CHIC2: variants seen among roughly 807,000 people sequenced by gnomAD.
The protein encoded by CHIC2 is cysteine rich hydrophobic domain 2.
CHIC2 carries 14 observed loss-of-function variants against 25.9 expected under a neutral mutation model. That is an observed-to-expected ratio of 0.54 (90% CI 0.36 to 0.85). The LOEUF (loss-of-function observed/expected upper bound fraction) is 0.85. CHIC2 is among the 40% of genes least tolerant of loss of function. CHIC2 has a pLI of 0.01. For missense variants in CHIC2, 146 were observed against 202.0 expected (o/e 0.72, Z 1.68); for synonymous variants, 70 against 72.0 (o/e 0.97, Z 0.14).
chr4:54,090,648 AG>A, the CHIC2 span, among the ~76,000 whole-genome samples: 1 of 152,174 alleles, frequency 6.6e-6, no homozygotes, highest in Non-Finnish European at 1.5e-5. Flanking sequence ...CGTTGTGCCA[AG>A]GGATGTCAGG....
chr4:54,034,577 T>C (rs1560388284), intron 3 of CHIC2, among the ~76,000 whole-genome samples: 1 of 152,172 alleles, frequency 6.6e-6, no homozygotes, highest in South Asian at 2.1e-4. Flanking sequence ...TTAAAAATTG[T>C]TTTTCATTTT....
rs1378324868 is a variant in CHIC2, at chr4:54,010,160, G to T, written c.448-15C>A. The T allele has an allele frequency of 1.3e-6, 2 of 1,583,726 alleles. No individual in the cohort carries two copies. The highest frequency in any genetic ancestry group is 2.7e-5 in the African/African-American group (2 of 73,520). ...ATGAGGATGACCTGTAAAAGGAGAA[G>T]AAAAAGGTTTTAAAAGATTTAAACA... On this transcript the variant is annotated splice_polypyrimidine_tract_variant and intron_variant, in intron 5 of 5. Coordinates refer to ENST00000263921, the MANE Select transcript of CHIC2 (RefSeq NM_012110.4).
intron 3 of CHIC2, among the ~76,000 whole-genome samples, chr4:54,040,323 T>C (rs1716524992): frequency 6.6e-6 from 1 of 152,160 alleles, no homozygotes; most frequent in Non-Finnish European, 1.5e-5. Flanking sequence ...TCCCAGCACT[T>C]TGGGAGGCCG....
chr4:54,083,765 C>A, the CHIC2 span, among the ~76,000 whole-genome samples: 3 of 152,182 alleles, frequency 2.0e-5, no homozygotes, highest in Non-Finnish European at 1.5e-5. Context: ...CTCTTCCAAT[C>A]CCATCCTTTA....
At chr4:54,073,880 G>A in the CHIC2 span, among the ~76,000 whole-genome samples, 1 of 152,134 alleles carries the variant, frequency 6.6e-6, no homozygotes, top group Non-Finnish European at 1.5e-5. Flanking sequence ...TTTTAGACCG[G>A]GCGCAGTGGC....
At chr4:54,072,247 A>G in the CHIC2 span, among the ~76,000 whole-genome samples, 2 of 151,886 alleles carry the variant, frequency 1.3e-5, no homozygotes, top group Non-Finnish European at 2.9e-5. Flanking sequence ...GCTTGCAGTG[A>G]GCCGAGATTG....
the CHIC2 span, among the ~76,000 whole-genome samples, chr4:54,080,370 T>C: frequency 6.6e-6 from 1 of 151,846 alleles, no homozygotes; most frequent in African/African-American, 2.4e-5. Flanking sequence ...AGTAGAATAG[T>C]GGTTTCCAGG....
At chr4:54,042,890 G>A (rs1716623154) in intron 3 of CHIC2, among the ~76,000 whole-genome samples, 1 of 152,132 alleles carries the variant, frequency 6.6e-6, no homozygotes, top group Non-Finnish European at 1.5e-5. Flanking sequence ...ATTTTTAGTA[G>A]GAATATATCT....
intron 5 of CHIC2, among the ~76,000 whole-genome samples, chr4:54,013,535 G>A (rs1715650390): frequency 1.3e-5 from 2 of 152,030 alleles, no homozygotes; most frequent in African/African-American, 4.8e-5. Flanking sequence ...CCAAAGTTGT[G>A]GTTATTCTTT....
rs1717422782 is a variant in CHIC2, at chr4:54,064,097, G to C, written c.119+85C>G. Reference sequence around the variant, plus strand: ...TTTCGGAAGGCCCCCGACACCAGACGGACACAGGGGAAACGGGGCTCCCGT... The same window carrying C: ...TTTCGGAAGGCCCCCGACACCAGACCGACACAGGGGAAACGGGGCTCCCGT... On this transcript the variant is annotated intron_variant, in intron 1 of 5. Coordinates refer to ENST00000263921, the MANE Select transcript of CHIC2 (RefSeq NM_012110.4). The surrounding 1 kb of genome is among the most constrained non-coding windows in gnomAD (Gnocchi z 4.2). The C allele has an allele frequency of 8.5e-7, 1 of 1,182,606 alleles. No homozygotes were observed. The highest frequency in any genetic ancestry group is 1.2e-6 in the Non-Finnish European group (1 of 832,482). The allele number at this position is 1,182,606 out of a possible 1,614,324, so 73.3% of individuals were successfully genotyped here. A position where few individuals can be genotyped will look rare whatever the true frequency, so the allele number is the denominator to read the frequency against.
chr4:54,024,228 C>T (rs915331832), intron 3 of CHIC2, among the ~76,000 whole-genome samples: 1 of 152,158 alleles, frequency 6.6e-6, no homozygotes, highest in African/African-American at 2.4e-5. Flanking sequence ...CATTTCATAA[C>T]CTCTTCCATG....
intron 1 of CHIC2, among the ~76,000 whole-genome samples, chr4:54,054,168 TTAAGA>T (rs893521417): frequency 6.6e-6 from 1 of 152,244 alleles, no homozygotes; most frequent in East Asian, 1.9e-4. Flanking sequence ...ACTAGGTATT[TTAAGA>T]TAAGTAAACA....
intron 3 of CHIC2, among the ~76,000 whole-genome samples, chr4:54,039,180 T>C (rs1397402520): frequency 1.3e-5 from 2 of 152,182 alleles, no homozygotes; most frequent in Non-Finnish European, 2.9e-5. Flanking sequence ...GACCTTGGTT[T>C]AGGCAAATTC....
intron 1 of CHIC2, among the ~76,000 whole-genome samples, chr4:54,063,920 T>C (rs2110096974): frequency 2.0e-5 from 3 of 152,300 alleles, no homozygotes; most frequent in Admixed American, 2.0e-4. Context: ...CAGACCCTAA[T>C]GAAAACCCGT....
intron 5 of CHIC2, among the ~76,000 whole-genome samples, chr4:54,012,004 T>C (rs946372611): frequency 2.0e-5 from 3 of 152,108 alleles, no homozygotes; most frequent in Admixed American, 2.0e-4. Flanking sequence ...GTTTAACTTT[T>C]AAAATTCATT....
At chr4:54,077,212 C>A in the CHIC2 span, among the ~76,000 whole-genome samples, 1 of 152,188 alleles carries the variant, frequency 6.6e-6, no homozygotes, top group Non-Finnish European at 1.5e-5. Context: ...CTGTTATAAT[C>A]AGCCAACTAT....
upstream of CHIC2, among the ~76,000 whole-genome samples, chr4:54,069,480 C>T (rs1175975411): frequency 4.6e-5 from 7 of 152,224 alleles, no homozygotes; most frequent in Non-Finnish European, 1.5e-5. Context: ...GTTCATCTCC[C>T]TGTAATCCTC....
chr4:54,059,287 G>C (rs2110093428), intron 1 of CHIC2, among the ~76,000 whole-genome samples: 1 of 152,214 alleles, frequency 6.6e-6, no homozygotes, highest in Admixed American at 6.5e-5. Flanking sequence ...AGCATTTGTG[G>C]GGGCTGAGGC....
At chr4:54,034,130 C>T (rs183262523) in intron 3 of CHIC2, among the ~76,000 whole-genome samples, 5 of 152,168 alleles carry the variant, frequency 3.3e-5, no homozygotes, top group East Asian at 3.9e-4. Context: ...CCTCGCCAGA[C>T]GCGGTGGCTC....
Sources: allele counts gnomAD v4.1 joint callset (sites outside exome capture counted in the v4.1 genomes callset), GRCh38; gene constraint gnomAD v4.1.1; non-coding constraint Gnocchi (gnomAD v3.1); transcripts MANE v1.5; gene names NCBI Gene and HGNC (gene_info 2026-07-23, HGNC 2026-07-21).